The following CFHR1 variants were observed in gnomAD, a reference collection of about 807,000 sequenced individuals.
CFHR1 encodes the protein complement factor H related 1, also known as complement factor H-related protein 1.
A neutral mutation model predicts 30.4 loss-of-function variants in CFHR1; 22 were observed. That is an observed-to-expected ratio of 0.72 (90% CI 0.52 to 1.03). CFHR1 has a LOEUF of 1.03. Ranked by LOEUF, CFHR1 falls within the 50% of genes least tolerant of loss-of-function variation. The pLI, the probability that CFHR1 is intolerant of heterozygous loss-of-function variation, is 0.00. For missense variants in CFHR1, 248 were observed against 380.6 expected (o/e 0.65, Z 2.90); for synonymous variants, 95 against 129.1 (o/e 0.74, Z 1.79).
Position 196,825,510 on chromosome 1 carries a change from G to C in CFHR1, c.92G>C (p.Gly31Ala). 1.3e-6 allele frequency: 2 copies of C among 1,516,868 alleles called. 1 individual carries two copies. Among genetic ancestry groups the C allele is most frequent in the Admixed American group, 3.5e-5 (2 of 57,806 alleles). The allele number at this position is 1,516,868 out of a possible 1,614,324, so 94.0% of individuals were successfully genotyped here. A position where few individuals can be genotyped will look rare whatever the true frequency, so the allele number is the denominator to read the frequency against. ...TGTGATTTTCCAAAAATAAACCATG[G>C]AATTCTATATGATGAAGAAAAATAT... ...TFCDFPKINHGILYDEEKYKP... is the reference protein window; with the variant it reads ...TFCDFPKINHAILYDEEKYKP... Residue 31 changes from glycine (G) to alanine (A), a missense_variant, in exon 2 of 6, where the codon GGA becomes GCA. By Grantham distance (60) the Gly-to-Ala change is moderately conservative. This residue lies in a region of CFHR1 where 121 missense variants were observed against 162.6 expected (regional missense o/e 0.74). Coordinates refer to ENST00000320493, the MANE Select transcript of CFHR1 (RefSeq NM_002113.3).
At position 196,827,544 on chromosome 1, in the gene CFHR1, ATTC is replaced by A. The variant is rs371142144; in HGVS notation, c.431-518_431-516del. Among the ~76,000 whole-genome samples the A allele has an allele frequency of 9.7e-4, 131 of 135,302 alleles. 19 individuals are homozygous for A. In the East Asian group the frequency reaches 0.022, roughly 23 times the overall value. The allele number at this position is 135,302 out of a possible 152,430, so 88.8% of individuals were successfully genotyped here. Reference sequence around the variant, plus strand: ...TCCAATTTAGATCCTTTGATTAACCATTCTTCTTCTCTACTAACTTGGGTAATT... The same window carrying A: ...TCCAATTTAGATCCTTTGATTAACCATTCTTCTCTACTAACTTGGGTAATT... On this transcript the variant is annotated intron_variant, in intron 3 of 5. Coordinates refer to ENST00000320493, the MANE Select transcript of CFHR1 (RefSeq NM_002113.3).
chr1:196,820,878 T>G (rs1655093925), intron 1 of CFHR1: 1 of 133,842 alleles, frequency 7.5e-6, no homozygotes, highest in South Asian at 2.5e-4. Flanking sequence ...TCACTCTTGT[T>G]TCCCAGGCTG....
At chr1:196,830,240 G>T (rs1196818052) in intron 4 of CFHR1, among the ~76,000 whole-genome samples, 1 of 134,718 alleles carries the variant, frequency 7.4e-6, no homozygotes, top group African/African-American at 3.2e-5. Context: ...TATTCATTCG[G>T]AAAGATATTT....
rs181963459 is a variant in CFHR1 at position 196,831,759 on chromosome 1, C to T, written c.791-38C>T. Reference sequence around the variant, plus strand: ...CTGAAAGTCTATGAAGATTTGCATACTACTTAATGTTTTATGTTTACTGTT... The same window carrying T: ...CTGAAAGTCTATGAAGATTTGCATATTACTTAATGTTTTATGTTTACTGTT... On this transcript the variant is annotated intron_variant, in intron 5 of 5. Coordinates refer to ENST00000320493, the MANE Select transcript of CFHR1 (RefSeq NM_002113.3). 6.6e-3 allele frequency: 9,815 copies of T among 1,479,746 alleles called. 1,425 individuals are homozygous for T. Among genetic ancestry groups the T allele is most frequent in the Non-Finnish European group, 8.4e-3 (9,141 of 1,090,090 alleles). The allele number at this position is 1,479,746 out of a possible 1,614,324, so 91.7% of individuals were successfully genotyped here.
intron 1 of CFHR1, among the ~76,000 whole-genome samples, chr1:196,824,681 G>GT (rs1655253079): frequency 8.9e-6 from 1 of 112,028 alleles, no homozygotes; most frequent in Non-Finnish European, 1.7e-5. Context: ...TATCTTTATT[G>GT]TTTTTTTCAA....
At chr1:196,826,289 C>A in intron 2 of CFHR1, among the ~76,000 whole-genome samples, 1 of 134,044 alleles carries the variant, frequency 7.5e-6, no homozygotes, top group Non-Finnish European at 1.6e-5. Flanking sequence ...TCTTTTGTCC[C>A]TAAAAGGTTG....
intron 4 of CFHR1, 151 bp from the exon 5 acceptor site, chr1:196,830,349 G>T: frequency 1.2e-6 from 1 of 850,868 alleles, no homozygotes; most frequent in Non-Finnish European, 1.8e-6. Context: ...TCAGTTTAAA[G>T]GATTAAAATT....
At position 196,827,486 on chromosome 1, in the gene CFHR1, T is replaced by A. The variant is rs1486786414; in HGVS notation, c.430+481T>A. Among the ~76,000 whole-genome samples the A allele has an allele frequency of 5.1e-5, 7 of 135,934 alleles. 3 individuals are homozygous for A. Among genetic ancestry groups the A allele is most frequent in the African/African-American group, 2.2e-4 (7 of 32,036 alleles). 89.2% of individuals were successfully genotyped at this position (135,934 alleles called of 152,430 possible). A position where few individuals can be genotyped will look rare whatever the true frequency, so the allele number is the denominator to read the frequency against. ...AAATTATCTGAAGTTATTTTTATTA[T>A]TATAGACTTATTTTCTTTTATTTTT... On this transcript the variant is annotated intron_variant, in intron 3 of 5. Coordinates refer to ENST00000320493, the MANE Select transcript of CFHR1 (RefSeq NM_002113.3).
At chr1:196,830,776 A>G in intron 5 of CFHR1, 94 bp downstream of exon 5, 2 of 1,431,382 alleles carry the variant, frequency 1.4e-6, no homozygotes, top group Non-Finnish European at 1.9e-6. Flanking sequence ...TTATTGAACA[A>G]CCATTCTGCT....
intron 5 of CFHR1, among the ~76,000 whole-genome samples, chr1:196,831,297 A>G (rs1394365255): frequency 7.4e-6 from 1 of 135,614 alleles, no homozygotes; most frequent in Non-Finnish European, 1.6e-5. Context: ...TTCATCACCT[A>G]TGCTTAGCAT....
At chr1:196,823,101 A>ATATATGTG (rs1553292704) in intron 1 of CFHR1, among the ~76,000 whole-genome samples, 2 of 47,060 alleles carry the variant, frequency 4.2e-5, no homozygotes, top group African/African-American at 2.2e-4. Flanking sequence ...ATATATATAT[A>ATATATGTG]TGTGTGTGTG....
Position 196,830,553 on chromosome 1 carries a change from T to A in CFHR1, c.661T>A (p.Ser221Thr), listed in dbSNP as rs1230493970. 9.8e-6 allele frequency: 15 copies of A among 1,525,306 alleles called. 3 individuals carry two copies. The highest frequency in any genetic ancestry group is 2.2e-5 in the East Asian group (1 of 44,624). 94.5% of individuals were successfully genotyped at this position (1,525,306 alleles called of 1,614,324 possible). A position where few individuals can be genotyped will look rare whatever the true frequency, so the allele number is the denominator to read the frequency against. The change falls in exon 5 of 6, where the codon TCA (serine) becomes ACA (threonine). Residue 221 changes from serine to threonine, a missense_variant. Coordinates refer to ENST00000320493, the MANE Select transcript of CFHR1 (RefSeq NM_002113.3). ...PPPIDNGDIT[S>T]FPLSVYAPAS... is the part of the protein sequence containing the mutation. ...ACCTATTGACAATGGGGACATTACT[T>A]CATTCCCGTTGTCAGTATATGCTCC...
In CFHR1 at chr1:196,828,493, A is replaced by C. The variant is rs1281729077; in HGVS notation, c.607+247A>C. Among the ~76,000 whole-genome samples, 6 of 133,502 alleles carry C rather than the reference A, an allele frequency of 4.5e-5. No homozygotes were observed. The East Asian group carries it at 1.2e-3, about 26-fold the overall frequency. The allele number at this position is 133,502 out of a possible 152,430, so 87.6% of individuals were successfully genotyped here. Reference sequence around the variant, plus strand: ...AACAATACTTTTTAAGCATCACAACACTTAGTTCCTTCTCAGGAATACGTG... The same window carrying C: ...AACAATACTTTTTAAGCATCACAACCCTTAGTTCCTTCTCAGGAATACGTG... On this transcript the variant is annotated intron_variant, in intron 4 of 5. Coordinates refer to ENST00000320493, the MANE Select transcript of CFHR1 (RefSeq NM_002113.3).
At position 196,829,590 on chromosome 1, in the gene CFHR1, A is replaced by G. The variant is rs184968275; in HGVS notation, c.608-910A>G. On this transcript the variant is annotated intron_variant, in intron 4 of 5. Coordinates refer to ENST00000320493, the MANE Select transcript of CFHR1 (RefSeq NM_002113.3). Reference sequence around the variant, plus strand: ...CTTGTAAAAGATCGTGTCACTGGATATCAAATTTGGAGTTGACAGTTCTTT... The same window carrying G: ...CTTGTAAAAGATCGTGTCACTGGATGTCAAATTTGGAGTTGACAGTTCTTT... Among the ~76,000 whole-genome samples, 291 of 134,940 alleles carry G rather than the reference A, an allele frequency of 2.2e-3. 67 individuals carry two copies. Among genetic ancestry groups the G allele is most frequent in the African/African-American group, 7.7e-3 (244 of 31,598 alleles). The allele number at this position is 134,940 out of a possible 152,430, so 88.5% of individuals were successfully genotyped here. A position where few individuals can be genotyped will look rare whatever the true frequency, so the allele number is the denominator to read the frequency against.
Position 196,830,847 on chromosome 1 carries a change from G to A in CFHR1, c.790+165G>A, listed in dbSNP as rs1311824574. Among the ~76,000 whole-genome samples, 3 of 135,258 alleles carry A rather than the reference G, an allele frequency of 2.2e-5. 1 individual carries two copies. The highest frequency in any genetic ancestry group is 9.5e-5 in the African/African-American group (3 of 31,656). The allele number at this position is 135,258 out of a possible 152,430, so 88.7% of individuals were successfully genotyped here. A position where few individuals can be genotyped will look rare whatever the true frequency, so the allele number is the denominator to read the frequency against. ...AAAGTTTAGAAATTTTCTCTTTAGGGCTGGGTGTGGTGGCTCACACCTGTA... is the reference window on the plus strand; with the variant it reads ...AAAGTTTAGAAATTTTCTCTTTAGGACTGGGTGTGGTGGCTCACACCTGTA... On this transcript the variant is annotated intron_variant, in intron 5 of 5. Coordinates refer to ENST00000320493, the MANE Select transcript of CFHR1 (RefSeq NM_002113.3).
intron 1 of CFHR1, 69 bp from the exon 2 acceptor site, chr1:196,825,408 A>T: frequency 8.8e-7 from 1 of 1,134,484 alleles, no homozygotes; most frequent in Non-Finnish European, 1.2e-6. Context: ...TGAGATGATT[A>T]AAATATAATC....
intron 4 of CFHR1, among the ~76,000 whole-genome samples, chr1:196,830,284 G>A (rs1372649637): frequency 7.4e-6 from 1 of 134,980 alleles, no homozygotes; most frequent in East Asian, 2.0e-4. Flanking sequence ...AGCAATATTT[G>A]TTAATGTTTT....
rs1376067438 is a variant in CFHR1, at chr1:196,820,656, AC to A, written c.58+757del. The stretch of plus-strand genomic sequence containing the variant: ...CATGGAGTTTCGATCATTATGCTTT[AC>A]CCTTTGATTTCCAAAAAGTTTTTAC... On this transcript the variant is annotated intron_variant, in intron 1 of 5. Transcript: ENST00000320493. 4.8e-5 allele frequency among the ~76,000 whole-genome samples: 6 copies of A among 125,406 alleles called. 1 individual carries two copies. Among genetic ancestry groups the A allele is most frequent in the African/African-American group, 2.1e-4 (6 of 29,022 alleles). The allele number at this position is 125,406 out of a possible 152,430, so 82.3% of individuals were successfully genotyped here.
chr1:196,824,365 C>T lies in CFHR1; in HGVS notation c.59-1112C>T, dbSNP rs191258425. ...CTCCCCCTCCTGGGTTCAAGTGATT[C>T]TTCTGCCTCAGCCTCCCAGGTAGCT... On this transcript the variant is annotated intron_variant, in intron 1 of 5. Transcript: ENST00000320493. Among the ~76,000 whole-genome samples the T allele has an allele frequency of 4.8e-3, 636 of 133,628 alleles. 176 individuals are homozygous for T. The highest frequency in any genetic ancestry group is 0.02 in the African/African-American group (615 of 30,842). 87.7% of individuals were successfully genotyped at this position (133,628 alleles called of 152,430 possible).
Sources: gnomAD v4.1 joint callset for allele counts (sites outside exome capture counted in the v4.1 genomes callset) on GRCh38, gnomAD v4.1.1 for gene constraint, gnomAD v4.1.1 regional missense constraint, MANE v1.5 for transcripts, NCBI Gene and HGNC (gene_info 2026-07-23, HGNC 2026-07-21) for gene names.